The following PIP4K2A variants were observed in gnomAD, a reference collection of about 807,000 sequenced individuals.
The protein encoded by PIP4K2A is phosphatidylinositol-5-phosphate 4-kinase type 2 alpha.
In PIP4K2A, 14 loss-of-function variants were observed where a neutral mutation model predicts 42.9. The ratio of observed to expected loss-of-function variants is 0.33; its 90% CI spans 0.22 to 0.51. The LOEUF (loss-of-function observed/expected upper bound fraction) is 0.51, where lower values mean the gene tolerates loss of function less well. PIP4K2A is among the 20% of genes least tolerant of loss of function. The pLI is 0.97. For missense variants in PIP4K2A, 434 were observed against 519.8 expected, an observed-to-expected ratio of 0.83 and a Z score of 1.61; for synonymous variants, 192 against 192.2, an observed-to-expected ratio of 1.00 and a Z score of 0.01.
intron 6 of PIP4K2A, among the ~76,000 whole-genome samples, chr10:22,556,407 C>A (rs1836549533): frequency 6.6e-6 from 1 of 151,994 alleles, no homozygotes; most frequent in Non-Finnish European, 1.5e-5. Context: ...AAACTGAAAC[C>A]CAAATGAGAG....
chr10:22,554,510 T>G (rs1380286049), intron 6 of PIP4K2A, among the ~76,000 whole-genome samples: 1 of 152,288 alleles, frequency 6.6e-6, no homozygotes, highest in East Asian at 1.9e-4. Flanking sequence ...ATGAGTGTCT[T>G]TGATATCTTT....
At chr10:22,651,652 A>G (rs1008019577) in intron 1 of PIP4K2A, among the ~76,000 whole-genome samples, 2 of 152,222 alleles carry the variant, frequency 1.3e-5, no homozygotes, top group African/African-American at 4.8e-5. Context: ...TTTTAGCCTT[A>G]TGCAGTTGTC....
At chr10:22,567,979 A>G in intron 5 of PIP4K2A, 90 bp from the exon 6 acceptor site, 1 of 1,171,652 alleles carries the variant, frequency 8.5e-7, no homozygotes, top group Non-Finnish European at 1.3e-6. Context: ...GGCGGAGCAG[A>G]GAGCCAGCTC....
At chr10:22,591,908 T>G (rs1020499539) in intron 3 of PIP4K2A, 127 bp from the exon 4 acceptor site, 8 of 773,754 alleles carry the variant, frequency 1.0e-5, no homozygotes, top group Non-Finnish European at 1.6e-5. Context: ...TGGGATAAAT[T>G]GATAAGTAGG....
chr10:22,645,561 AAAAAGAAAAG>A (rs947663742), intron 1 of PIP4K2A, among the ~76,000 whole-genome samples: 7 of 150,744 alleles, frequency 4.6e-5, no homozygotes, highest in African/African-American at 1.5e-4. Flanking sequence ...AAAAAAAAAA[AAAAAGAAAAG>A]AAAAGAAAAG....
chr10:22,703,583 G>C (rs1461710483), intron 1 of PIP4K2A, among the ~76,000 whole-genome samples: 1 of 152,192 alleles, frequency 6.6e-6, no homozygotes, highest in African/African-American at 2.4e-5. Context: ...GAGGAAAGTG[G>C]GGCCCAGGCC....
At chr10:22,564,834 A>G (rs1405050972) in intron 6 of PIP4K2A, among the ~76,000 whole-genome samples, 1 of 152,130 alleles carries the variant, frequency 6.6e-6, no homozygotes, top group African/African-American at 2.4e-5. Context: ...GCCCTCACCG[A>G]CCAGGTCCCC....
chr10:22,663,281 A>G (rs1839242714), intron 1 of PIP4K2A, among the ~76,000 whole-genome samples: 1 of 152,230 alleles, frequency 6.6e-6, no homozygotes, highest in Non-Finnish European at 1.5e-5. Flanking sequence ...TAAGGTAGTA[A>G]ATCGAGGCTT....
intron 3 of PIP4K2A, among the ~76,000 whole-genome samples, chr10:22,601,584 T>A (rs1459048729): frequency 6.6e-6 from 1 of 152,024 alleles, no homozygotes; most frequent in African/African-American, 2.4e-5. Context: ...CAACTACTAG[T>A]GATAAAGGAA....
chr10:22,596,205 C>CAAAAAAAAAAAAAAAAAAAAAAAAAAA (rs10681238), intron 3 of PIP4K2A, among the ~76,000 whole-genome samples: 1 of 69,664 alleles, frequency 1.4e-5, no homozygotes, highest in African/African-American at 6.3e-5. Flanking sequence ...AACTCCGTCT[C>CAAAAAAAAAAAAAAAAAAAAAAAAAAA]AAAAAAAAAA....
rs879684696 is a variant in PIP4K2A, at chr10:22,697,725, CGG to C, written c.144+16456_144+16457del. ...TGGGTAACAGGGCAAAACTGCATCT[CGG>C]AAAATTTTTTAAAAAATTAAACACA... On this transcript the variant is annotated intron_variant, in intron 1 of 9. Coordinates refer to ENST00000376573, the MANE Select transcript of PIP4K2A (RefSeq NM_005028.5). 6.7e-3 allele frequency among the ~76,000 whole-genome samples: 1,022 copies of C among 152,052 alleles called. 12 individuals are homozygous for C. Among genetic ancestry groups the C allele is most frequent in the African/African-American group, 0.023 (946 of 41,474 alleles).
chr10:22,632,182 C>G (rs1340113443), intron 1 of PIP4K2A, among the ~76,000 whole-genome samples: 1 of 151,900 alleles, frequency 6.6e-6, no homozygotes, highest in African/African-American at 2.4e-5. Context: ...ATCAGGTGAT[C>G]CTGGACAAGA....
At chr10:22,630,699 A>T (rs573312568) in intron 1 of PIP4K2A, among the ~76,000 whole-genome samples, 2 of 152,358 alleles carry the variant, frequency 1.3e-5, no homozygotes, top group African/African-American at 4.8e-5. Flanking sequence ...CACAAAGGGT[A>T]ACAAACTCAA....
intron 4 of PIP4K2A, among the ~76,000 whole-genome samples, chr10:22,580,458 T>C (rs974781924): frequency 2.6e-5 from 4 of 151,904 alleles, no homozygotes; most frequent in African/African-American, 9.7e-5. Context: ...GAGATCAACC[T>C]GGCCAACATG....
chr10:22,617,654 G>A (rs1307772070), intron 1 of PIP4K2A, among the ~76,000 whole-genome samples: 3 of 152,184 alleles, frequency 2.0e-5, no homozygotes, highest in South Asian at 2.1e-4. Flanking sequence ...ATGACATATT[G>A]AGATGAAACA....
At chr10:22,697,679 T>G (rs972325945) in intron 1 of PIP4K2A, among the ~76,000 whole-genome samples, 7 of 152,188 alleles carry the variant, frequency 4.6e-5, no homozygotes, top group Non-Finnish European at 8.8e-5. Flanking sequence ...TGAGCTATGA[T>G]CACACCACTG....
chr10:22,651,315 T>A (rs898388501), intron 1 of PIP4K2A, among the ~76,000 whole-genome samples: 2 of 152,152 alleles, frequency 1.3e-5, no homozygotes, highest in African/African-American at 2.4e-5. Context: ...CTGCCACTAT[T>A]CCCAGCCTCA....
chr10:22,692,303 C>A (rs781052995), intron 1 of PIP4K2A, among the ~76,000 whole-genome samples: 1 of 152,080 alleles, frequency 6.6e-6, no homozygotes, highest in Non-Finnish European at 1.5e-5. Flanking sequence ...GGAGGCAGAG[C>A]TCAGGCGGTA....
Position 22,691,042 on chromosome 10 carries a change from G to A in PIP4K2A, c.144+23141C>T, listed in dbSNP as rs563491092. Among the ~76,000 whole-genome samples, 24 of 152,200 alleles carry A rather than the reference G, an allele frequency of 1.6e-4. No individual in the cohort carries two copies. The South Asian group carries it at 5.0e-3, about 32-fold the overall frequency. ...CCCTAAGGGAGACAGAAGAGGTGGT[G>A]GTGTCTCGATTTTACAATAAGAAAA... On this transcript the variant is annotated intron_variant, in intron 1 of 9. Coordinates refer to ENST00000376573, the MANE Select transcript of PIP4K2A (RefSeq NM_005028.5).
Sources: gnomAD v4.1 joint callset for allele counts (sites outside exome capture counted in the v4.1 genomes callset) on GRCh38, gnomAD v4.1.1 for gene constraint, MANE v1.5 for transcripts, NCBI Gene and HGNC (gene_info 2026-07-23, HGNC 2026-07-21) for gene names.